The following AK9 variants were observed in gnomAD, a reference collection of about 807,000 sequenced individuals.
AK9 encodes adenylate kinase domain containing 1.
Under a neutral mutation model 239.6 loss-of-function variants are expected in AK9, and 191 were observed. That is an observed-to-expected ratio of 0.80 (90% CI 0.71 to 0.90). AK9 has a LOEUF of 0.90. Ranked by LOEUF, AK9 falls within the 40% of genes least tolerant of loss-of-function variation. The probability of loss-of-function intolerance (pLI) is 0.00; values close to 1 mark genes in which losing one functional copy is unlikely to be tolerated. For missense variants in AK9, 1,995 were observed against 2,214.7 expected (o/e 0.90, Z 1.99); for synonymous variants, 689 against 721.0 (o/e 0.96, Z 0.71).
At chr6:109,614,837 T>G (rs1451710267) in intron 13 of AK9, among the ~76,000 whole-genome samples, 2 of 152,190 alleles carry the variant, frequency 1.3e-5, no homozygotes, top group Non-Finnish European at 2.9e-5. Context: ...CTGACAAATT[T>G]TTCTTAAAAA....
chr6:109,574,327 TTG>T (rs767694039), intron 20 of AK9, among the ~76,000 whole-genome samples: 6 of 152,038 alleles, frequency 3.9e-5, no homozygotes, highest in Non-Finnish European at 8.8e-5. Context: ...TGAGCTGAGA[TTG>T]TGTCACTGCA....
In AK9 at chr6:109,497,573, C is replaced by T; in HGVS notation, c.5217-10G>A. 1 of 1,540,738 alleles carries T rather than the reference C, an allele frequency of 6.5e-7. No homozygotes were observed. On this transcript the variant is annotated splice_polypyrimidine_tract_variant and intron_variant, in intron 37 of 40. Coordinates refer to ENST00000424296, the MANE Select transcript of AK9 (RefSeq NM_001145128.3). ...TACTAGAGCTTCATATCTGGAAGACCAAAAAACAAAACAAAACCTCTATTG... is the reference window on the plus strand; with the variant it reads ...TACTAGAGCTTCATATCTGGAAGACTAAAAAACAAAACAAAACCTCTATTG...
Position 109,619,231 on chromosome 6 carries a change from G to A in AK9, c.1260C>T (p.Val420=), listed in dbSNP as rs368680673. ...MLAENYKGKV[V]DYAQLVQPRF... Reference sequence around the variant, plus strand: ...GTGGCTGAACAAGTTGGGCATAGTCGACTACCTGCAAAGAATATTTGAGAA... The same window carrying A: ...GTGGCTGAACAAGTTGGGCATAGTCAACTACCTGCAAAGAATATTTGAGAA... The change falls in exon 13 of 41, where the codon GTC becomes GTT. Residue 420 remains valine (V), a synonymous_variant. Coordinates refer to ENST00000424296, the MANE Select transcript of AK9 (RefSeq NM_001145128.3). 6.5e-7 allele frequency: 1 copy of A among 1,540,454 alleles called. No individual in the cohort carries two copies.
At chr6:109,504,740 G>T (rs1777941720) in intron 35 of AK9, among the ~76,000 whole-genome samples, 1 of 152,064 alleles carries the variant, frequency 6.6e-6, no homozygotes, top group African/African-American at 2.4e-5. Context: ...ACCCGGGAAG[G>T]GGAGGTTGCA....
At chr6:109,571,650 T>C (rs902977541) in intron 21 of AK9, among the ~76,000 whole-genome samples, 4 of 152,220 alleles carry the variant, frequency 2.6e-5, no homozygotes, top group Non-Finnish European at 5.9e-5. Flanking sequence ...TGGATGGATG[T>C]ATGATTTTGA....
chr6:109,602,721 G>C (rs1792204060), intron 17 of AK9, among the ~76,000 whole-genome samples: 1 of 152,164 alleles, frequency 6.6e-6, no homozygotes, highest in Non-Finnish European at 1.5e-5. Context: ...ATCAGACGTA[G>C]ATTTGGTCTT....
intron 7 of AK9, 82 bp from the exon 8 acceptor site, chr6:109,656,966 C>A: frequency 4.7e-6 from 7 of 1,494,222 alleles, no homozygotes; most frequent in Non-Finnish European, 5.5e-6. Context: ...CTCCTTACAC[C>A]TAGATATCAT....
chr6:109,585,182 C>T lies in AK9; in HGVS notation c.2055G>A (p.Lys685=). The T allele has an allele frequency of 9.5e-7, 1 of 1,055,732 alleles. No individual in the cohort carries two copies. The highest frequency in any genetic ancestry group is 1.2e-6 in the Non-Finnish European group (1 of 811,026). 65.4% of individuals were successfully genotyped at this position (1,055,732 alleles called of 1,614,324 possible). The change falls in exon 19 of 41, where the codon AAG becomes AAA. Residue 685 remains lysine (K), a synonymous_variant. Transcript: ENST00000424296. ...YLQKKSEIDS[K]ILERLLEELQ... ...GTTCTTCTAATAATCTTTCTAAAAT[C>T]TTAGAGTCAATTTCAGATTTCTTCT...
chr6:109,504,666 G>A (rs146543364), intron 35 of AK9, among the ~76,000 whole-genome samples: 4,739 of 152,018 alleles, frequency 0.031, 123 homozygotes, highest in East Asian at 0.11. Context: ...AAAATTAGCC[G>A]GGCATGGTGG....
chr6:109,600,132 G>C (rs1355821263), intron 17 of AK9, among the ~76,000 whole-genome samples: 3 of 152,154 alleles, frequency 2.0e-5, no homozygotes, highest in Admixed American at 6.5e-5. Context: ...GGAGTGGTGA[G>C]AGAGGGCATC....
chr6:109,687,831 G>C (rs1272119510), intron 1 of AK9, among the ~76,000 whole-genome samples: 2 of 152,190 alleles, frequency 1.3e-5, no homozygotes, highest in Non-Finnish European at 2.9e-5. Flanking sequence ...GCAGTAATTT[G>C]CTATGCAGCA....
intron 24 of AK9, among the ~76,000 whole-genome samples, chr6:109,559,208 G>A (rs187814609): frequency 6.0e-5 from 9 of 148,806 alleles, no homozygotes; most frequent in African/African-American, 1.2e-4. Flanking sequence ...TCTCTCTGTC[G>A]CCCAGGCGGA....
intron 7 of AK9, 79 bp from the exon 8 acceptor site, chr6:109,656,963 C>T: frequency 6.7e-7 from 1 of 1,502,466 alleles, no homozygotes; most frequent in South Asian, 1.2e-5. Flanking sequence ...CCACTCCTTA[C>T]ACCTAGATAT....
At chr6:109,593,286 C>T (rs1790534850) in intron 17 of AK9, among the ~76,000 whole-genome samples, 1 of 151,878 alleles carries the variant, frequency 6.6e-6, no homozygotes, top group South Asian at 2.1e-4. Context: ...TCTCTTGGAT[C>T]TCATTGAGTT....
intron 8 of AK9, among the ~76,000 whole-genome samples, chr6:109,654,617 C>T (rs1300848901): frequency 6.6e-6 from 1 of 152,272 alleles, no homozygotes; most frequent in East Asian, 1.9e-4. Flanking sequence ...AGGCATGAGC[C>T]ACCGCGCCCT....
intron 1 of AK9, among the ~76,000 whole-genome samples, chr6:109,678,510 G>T (rs1772092217): frequency 6.6e-6 from 1 of 152,134 alleles, no homozygotes. Flanking sequence ...CTATAGTTTT[G>T]CAAAATATTA....
intron 27 of AK9, 89 bp from the exon 28 acceptor site, chr6:109,533,559 G>T: frequency 1.9e-6 from 2 of 1,052,058 alleles, no homozygotes; most frequent in Non-Finnish European, 2.6e-6. Flanking sequence ...CATTATACAA[G>T]GTATATTAAG....
At chr6:109,648,838 C>G (rs1397506604) in intron 8 of AK9, among the ~76,000 whole-genome samples, 1 of 152,090 alleles carries the variant, frequency 6.6e-6, no homozygotes, top group Non-Finnish European at 1.5e-5. Context: ...TGCAAAAATC[C>G]TCAATAAAAT....
At chr6:109,555,205 C>T (rs187115371) in intron 24 of AK9, among the ~76,000 whole-genome samples, 1 of 152,250 alleles carries the variant, frequency 6.6e-6, no homozygotes, top group Non-Finnish European at 1.5e-5. Context: ...GATTCTTGTA[C>T]ATTGTCTCTT....
Sources: allele counts gnomAD v4.1 joint callset (sites outside exome capture counted in the v4.1 genomes callset), GRCh38; gene constraint gnomAD v4.1.1; transcripts MANE v1.5; gene names NCBI Gene and HGNC (gene_info 2026-07-23, HGNC 2026-07-21).